RUNX2: variants seen among roughly 807,000 people sequenced by gnomAD.
The protein encoded by RUNX2 is RUNX family transcription factor 2.
In RUNX2, 10 loss-of-function variants were observed where a neutral mutation model predicts 51.7. That is an observed-to-expected ratio of 0.19 (90% CI 0.12 to 0.33). The LOEUF (loss-of-function observed/expected upper bound fraction) is 0.33, where lower values mean the gene tolerates loss of function less well. RUNX2 is among the 10% of genes least tolerant of loss of function. RUNX2 has a pLI of 1.00. For synonymous variants in RUNX2, 276 were observed against 273.6 expected (o/e 1.01, Z -0.09); for missense variants, 562 against 691.3 (o/e 0.81, Z 2.10).
At chr6:45,411,077 A>G (rs1359404418) in intron 2 of RUNX2, among the ~76,000 whole-genome samples, 2 of 152,318 alleles carry the variant, frequency 1.3e-5, no homozygotes, top group East Asian at 1.9e-4. Context: ...CTCCACTCCA[A>G]TATAAACCTT....
At chr6:45,510,532 C>T (rs538192829) in intron 6 of RUNX2, among the ~76,000 whole-genome samples, 67 of 152,110 alleles carry the variant, frequency 4.4e-4, no homozygotes, top group Middle Eastern at 3.4e-3. Flanking sequence ...GAGGTTTTAA[C>T]GGAGGAATGA....
In RUNX2 at chr6:45,342,228, G is replaced by GA. The variant is rs34136015; in HGVS notation, c.58+13453dup. 2.7e-3 allele frequency among the ~76,000 whole-genome samples: 401 copies of GA among 149,228 alleles called. 1 individual carries two copies. Among genetic ancestry groups the GA allele is most frequent in the African/African-American group, 7.8e-3 (317 of 40,666 alleles). ...CTTTGTCACTACAGTTGTGCCTAGT[G>GA]AAAAAAAAATAGAATACTAAGTTAT... On this transcript the variant is annotated intron_variant, in intron 2 of 8. Transcript: ENST00000647337.
chr6:45,526,621 G>A (rs190284194), intron 7 of RUNX2, among the ~76,000 whole-genome samples: 3 of 152,236 alleles, frequency 2.0e-5, no homozygotes, highest in Admixed American at 1.3e-4. Context: ...ACAAGTTATT[G>A]CCAACATTAA....
chr6:45,466,843 T>C (rs1270451312), intron 5 of RUNX2, among the ~76,000 whole-genome samples: 1 of 152,254 alleles, frequency 6.6e-6, no homozygotes, highest in African/African-American at 2.4e-5. Context: ...TCAGTTCATT[T>C]ATTCGACAGA....
In RUNX2 at chr6:45,364,652, G is replaced by C. The variant is rs185290194; in HGVS notation, c.58+35868G>C. On this transcript the variant is annotated intron_variant, in intron 2 of 8. Coordinates refer to ENST00000647337, the MANE Select transcript of RUNX2 (RefSeq NM_001024630.4). Reference sequence around the variant, plus strand: ...GAAATCAAGATGAACAGAGCCTTAAGAAATCTTAATGACTCTGCAATTTCC... The same window carrying C: ...GAAATCAAGATGAACAGAGCCTTAACAAATCTTAATGACTCTGCAATTTCC... Among the ~76,000 whole-genome samples, 128 of 152,256 alleles carry C rather than the reference G, an allele frequency of 8.4e-4. 1 individual carries two copies. The highest frequency in any genetic ancestry group is 6.8e-3 in the Middle Eastern group (2 of 292).
chr6:45,393,554 C>T (rs149513790), intron 2 of RUNX2, among the ~76,000 whole-genome samples: 13,549 of 151,824 alleles, frequency 0.089, 776 homozygotes, highest in South Asian at 0.18. Flanking sequence ...CTCAGCCTCC[C>T]GAATAGCTGG....
chr6:45,452,361 G>A (rs1165416161), intron 5 of RUNX2, among the ~76,000 whole-genome samples: 1 of 152,240 alleles, frequency 6.6e-6, no homozygotes, highest in Non-Finnish European at 1.5e-5. Context: ...AAGACTGGCA[G>A]AGAAGTGAAG....
chr6:45,459,175 A>G (rs1799403312), intron 5 of RUNX2, among the ~76,000 whole-genome samples: 1 of 152,202 alleles, frequency 6.6e-6, no homozygotes, highest in African/African-American at 2.4e-5. Flanking sequence ...AGAGCTTGAC[A>G]TGTTTATAGT....
At chr6:45,485,305 C>T (rs923891628) in intron 5 of RUNX2, among the ~76,000 whole-genome samples, 1 of 151,486 alleles carries the variant, frequency 6.6e-6, no homozygotes, top group Non-Finnish European at 1.5e-5. Context: ...TGTGTTCAAG[C>T]GATTCTCCTG....
At chr6:45,392,139 A>C (rs11968177) in intron 2 of RUNX2, among the ~76,000 whole-genome samples, 13,535 of 152,194 alleles carry the variant, frequency 0.089, 783 homozygotes, top group South Asian at 0.18. Context: ...AATACATAAT[A>C]CCTGCCTTCA....
chr6:45,370,560 AG>A (rs1795888886), intron 2 of RUNX2, among the ~76,000 whole-genome samples: 1 of 152,212 alleles, frequency 6.6e-6, no homozygotes, highest in African/African-American at 2.4e-5. Context: ...TCAATATAAT[AG>A]AACTTTGTAT....
chr6:45,451,769 C>T (rs950616832), intron 5 of RUNX2, among the ~76,000 whole-genome samples: 7 of 152,110 alleles, frequency 4.6e-5, no homozygotes, highest in Non-Finnish European at 8.8e-5. Flanking sequence ...AGGATGAGGG[C>T]TTGAATGGAG....
intron 7 of RUNX2, among the ~76,000 whole-genome samples, chr6:45,539,005 A>T (rs1802133485): frequency 6.6e-6 from 1 of 151,886 alleles, no homozygotes; most frequent in East Asian, 1.9e-4. Context: ...TAGCAGGAAG[A>T]TCTCTCTCAT....
intron 6 of RUNX2, among the ~76,000 whole-genome samples, chr6:45,498,925 G>C (rs1409989895): frequency 6.6e-6 from 1 of 152,194 alleles, no homozygotes; most frequent in East Asian, 1.9e-4. Flanking sequence ...TCTTTAATGT[G>C]AAACAAGTTG....
intron 2 of RUNX2, among the ~76,000 whole-genome samples, chr6:45,354,731 G>T (rs1792801966): frequency 1.3e-5 from 2 of 152,070 alleles, no homozygotes; most frequent in Admixed American, 1.3e-4. Flanking sequence ...CAGGTGTGGT[G>T]GGTCACCCCT....
chr6:45,401,936 T>C (rs1247832375), intron 2 of RUNX2, among the ~76,000 whole-genome samples: 1 of 152,254 alleles, frequency 6.6e-6, no homozygotes, highest in African/African-American at 2.4e-5. Context: ...ACCCAAACTC[T>C]CTTTGTCTTC....
At chr6:45,532,298 A>AT (rs1359860098) in intron 7 of RUNX2, among the ~76,000 whole-genome samples, 2 of 149,070 alleles carry the variant, frequency 1.3e-5, no homozygotes, top group African/African-American at 5.0e-5. Context: ...TTTTGAAGGT[A>AT]TTTTTGGAAT....
intron 4 of RUNX2, 118 bp downstream of exon 4, chr6:45,432,137 A>T: frequency 7.0e-6 from 7 of 1,005,648 alleles, no homozygotes; most frequent in Non-Finnish European, 1.1e-5. Flanking sequence ...ATTACTGAAG[A>T]TTTGATTTAA....
intron 2 of RUNX2, among the ~76,000 whole-genome samples, chr6:45,381,882 A>G (rs901604345): frequency 6.6e-6 from 1 of 152,222 alleles, no homozygotes; most frequent in African/African-American, 2.4e-5. Flanking sequence ...AAGCAGTACA[A>G]TGATTAGAAA....
Sources: gnomAD v4.1 joint callset for allele counts (sites outside exome capture counted in the v4.1 genomes callset) on GRCh38, gnomAD v4.1.1 for gene constraint, MANE v1.5 for transcripts, NCBI Gene and HGNC (gene_info 2026-07-23, HGNC 2026-07-21) for gene names.